SORCS1: variants seen among roughly 807,000 people sequenced by gnomAD.
SORCS1 encodes the protein VPS10 domain-containing receptor SorCS1.
In SORCS1, 60 loss-of-function variants were observed where a neutral mutation model predicts 146.1. That is an observed-to-expected ratio of 0.41 (90% CI 0.33 to 0.51). SORCS1 has a LOEUF of 0.51. Ranked by LOEUF, SORCS1 falls within the 20% of genes least tolerant of loss-of-function variation. SORCS1 has a pLI of 0.21. For synonymous variants in SORCS1, 637 were observed against 584.0 expected (o/e 1.09, Z -1.31); for missense variants, 1,352 against 1,487.6 (o/e 0.91, Z 1.50).
At chr10:106,796,808 A>C (rs2136587024) in intron 3 of SORCS1, among the ~76,000 whole-genome samples, 1 of 152,270 alleles carries the variant, frequency 6.6e-6, no homozygotes, top group South Asian at 2.1e-4. Context: ...AGTAAATCTT[A>C]CCTAGAAAAT....
chr10:107,106,685 T>C (rs1187105104), intron 1 of SORCS1, among the ~76,000 whole-genome samples: 4 of 152,168 alleles, frequency 2.6e-5, no homozygotes, highest in Non-Finnish European at 1.5e-5. Flanking sequence ...CCTAGAAATA[T>C]ATGTGTACTA....
In SORCS1 at chr10:106,817,375, T is replaced by A. The variant is rs544169981; in HGVS notation, c.726+12199A>T. Among the ~76,000 whole-genome samples, 5 of 152,248 alleles carry A rather than the reference T, an allele frequency of 3.3e-5. No homozygotes were observed. The South Asian group carries it at 1.0e-3, about 32-fold the overall frequency. ...GGGAATTTGGGCCCTTTTTAGAAAG[T>A]AGTAGAGAAAAAGATGAAGTACTAA... On this transcript the variant is annotated intron_variant, in intron 3 of 25. Transcript: ENST00000263054.
intron 5 of SORCS1, among the ~76,000 whole-genome samples, chr10:106,744,484 T>A (rs1054640949): frequency 5.6e-4 from 86 of 152,270 alleles, no homozygotes; most frequent in African/African-American, 2.0e-3. Context: ...TCTCTCTAGT[T>A]TTTCAATAGG....
chr10:106,579,176 G>C lies in SORCS1; in HGVS notation c.3371+193C>G, dbSNP rs373747171. ...GAGGGACATTGGGCCTGCTTTCAGA[G>C]TGACTGACTGGACTGATCATCTCTT... is the stretch of plus-strand genomic sequence containing the variant. On this transcript the variant is annotated intron_variant, in intron 25 of 25. Coordinates refer to ENST00000263054, the MANE Select transcript of SORCS1 (RefSeq NM_052918.5). 10 of 1,614,010 alleles carry C rather than the reference G, an allele frequency of 6.2e-6. No individual in the cohort carries two copies. The highest frequency in any genetic ancestry group is 8.5e-6 in the Non-Finnish European group (10 of 1,180,008).
chr10:106,899,794 T>C (rs887325520), intron 2 of SORCS1, among the ~76,000 whole-genome samples: 2 of 152,140 alleles, frequency 1.3e-5, no homozygotes, highest in African/African-American at 2.4e-5. Flanking sequence ...GGCACCAGCA[T>C]GGATCTTTAG....
chr10:106,934,236 T>A (rs1365245378), intron 2 of SORCS1, among the ~76,000 whole-genome samples: 3 of 151,796 alleles, frequency 2.0e-5, no homozygotes, highest in African/African-American at 7.3e-5. Flanking sequence ...GAAAACAGTA[T>A]GGAGATTTTT....
intron 25 of SORCS1, chr10:106,579,042 G>A: frequency 6.2e-7 from 1 of 1,604,202 alleles, no homozygotes; most frequent in Non-Finnish European, 8.5e-7. Flanking sequence ...GAGAGAGTCA[G>A]CCATTGCCTA....
At chr10:107,109,175 C>T (rs997158912) in intron 1 of SORCS1, among the ~76,000 whole-genome samples, 6 of 152,192 alleles carry the variant, frequency 3.9e-5, no homozygotes, top group African/African-American at 1.2e-4. Flanking sequence ...TGGGTGGTAG[C>T]CCCCTTCTCA....
chr10:106,853,529 C>A (rs992969081), intron 2 of SORCS1, among the ~76,000 whole-genome samples: 6 of 151,486 alleles, frequency 4.0e-5, no homozygotes, highest in Admixed American at 3.3e-4. Flanking sequence ...TCATTTTTCC[C>A]TAATTTTCTG....
At chr10:107,032,677 G>A (rs997183408) in intron 1 of SORCS1, among the ~76,000 whole-genome samples, 3 of 152,174 alleles carry the variant, frequency 2.0e-5, no homozygotes, top group African/African-American at 4.8e-5. Context: ...GGGGTCTTGT[G>A]AGTTGGGCGA....
intron 5 of SORCS1, among the ~76,000 whole-genome samples, chr10:106,749,333 G>A (rs1164726873): frequency 2.0e-5 from 3 of 152,142 alleles, no homozygotes; most frequent in Non-Finnish European, 2.9e-5. Context: ...TTTTACTTGA[G>A]ACTGCCCGCC....
chr10:106,620,524 G>A lies in SORCS1; in HGVS notation c.2700C>T (p.Val900=). 6.2e-7 allele frequency: 1 copy of A among 1,614,074 alleles called. No individual in the cohort carries two copies. The highest frequency in any genetic ancestry group is 1.1e-5 in the South Asian group (1 of 91,072). Residue 900 remains valine (V), a synonymous_variant, in exon 20 of 26, where the codon GTC becomes GTT. Coordinates refer to ENST00000263054, the MANE Select transcript of SORCS1 (RefSeq NM_052918.5). Reference sequence around the variant, plus strand: ...CATTGACCTCTTTGTTCTTTGTGGTGACAAAGGGAAGAGACAGGTGCACGT... The same window carrying A: ...CATTGACCTCTTTGTTCTTTGTGGTAACAAAGGGAAGAGACAGGTGCACGT... The part of the protein sequence containing the change: ...LEHVHLSLPF[V]TTKNKEVNAT...
Position 106,657,761 on chromosome 10 carries a change from C to T in SORCS1, c.2304-5208G>A, listed in dbSNP as rs77281450. Among the ~76,000 whole-genome samples the T allele has an allele frequency of 9.3e-3, 1,409 of 150,882 alleles. 26 individuals are homozygous for T. The highest frequency in any genetic ancestry group is 0.031 in the African/African-American group (1,291 of 41,178). ...AACTAGTGTTGTAGAACCAAATTGT[C>T]GGAGTTTAAATTCATTCTCTTACTC... On this transcript the variant is annotated intron_variant, in intron 17 of 25. Coordinates refer to ENST00000263054, the MANE Select transcript of SORCS1 (RefSeq NM_052918.5).
chr10:106,965,225 T>C lies in SORCS1; in HGVS notation c.559-8645A>G, dbSNP rs973419532. Among the ~76,000 whole-genome samples the C allele has an allele frequency of 5.3e-5, 8 of 152,214 alleles. No homozygotes were observed. In the South Asian group the frequency reaches 6.2e-4, roughly 12 times the overall value. ...ACTCAGCAGAGTAAAGAAAGGCCTC[T>C]GGTGTATACATGGGTTTTTGTGGTT... On this transcript the variant is annotated intron_variant, in intron 1 of 25. Transcript: ENST00000263054.
intron 2 of SORCS1, among the ~76,000 whole-genome samples, chr10:106,934,298 C>T (rs982801784): frequency 2.6e-5 from 4 of 151,690 alleles, no homozygotes; most frequent in Non-Finnish European, 5.9e-5. Context: ...CGCACTGTCA[C>T]CCAGGCTGGA....
intron 6 of SORCS1, among the ~76,000 whole-genome samples, chr10:106,711,956 G>T (rs999683437): frequency 3.3e-5 from 5 of 152,172 alleles, no homozygotes; most frequent in African/African-American, 1.2e-4. Flanking sequence ...ATGACGATAA[G>T]AACTGGGCTT....
At chr10:106,877,598 G>A (rs1016799311) in intron 2 of SORCS1, among the ~76,000 whole-genome samples, 2 of 152,052 alleles carry the variant, frequency 1.3e-5, no homozygotes, top group African/African-American at 2.4e-5. Context: ...GGTGACAGGT[G>A]GGAAATAAAA....
intron 2 of SORCS1, among the ~76,000 whole-genome samples, chr10:106,844,981 T>C (rs988091351): frequency 7.0e-6 from 1 of 143,668 alleles, no homozygotes; most frequent in Admixed American, 7.1e-5. Context: ...CAGTCTATCA[T>C]TGTTGGACAT....
chr10:107,128,603 A>G (rs1966839206), intron 1 of SORCS1, among the ~76,000 whole-genome samples: 1 of 152,210 alleles, frequency 6.6e-6, no homozygotes, highest in Non-Finnish European at 1.5e-5. Context: ...TGCTTAGCAA[A>G]AACACTCAAA....
Sources: allele counts gnomAD v4.1 joint callset (sites outside exome capture counted in the v4.1 genomes callset), GRCh38; gene constraint gnomAD v4.1.1; transcripts MANE v1.5; gene names NCBI Gene and HGNC (gene_info 2026-07-23, HGNC 2026-07-21).